The following AMMECR1 variants were observed in gnomAD, a reference collection of about 807,000 sequenced individuals.
AMMECR1 encodes the protein AMMECR nuclear protein 1, also known as nuclear protein AMMECR1.
A neutral mutation model predicts 22.5 loss-of-function variants in AMMECR1; 3 were observed. That is an observed-to-expected ratio of 0.13 (90% CI 0.06 to 0.35). The LOEUF (loss-of-function observed/expected upper bound fraction) is 0.35. Ranked by LOEUF, AMMECR1 falls within the 10% of genes least tolerant of loss-of-function variation. AMMECR1 has a pLI of 1.00. For synonymous variants in AMMECR1, 130 were observed against 116.7 expected (o/e 1.11, Z -0.74); for missense variants, 235 against 278.7 (o/e 0.84, Z 1.12).
intron 1 of AMMECR1, among the ~76,000 whole-genome samples, chrX:110,293,229 G>T (rs961955158): frequency 8.9e-6 from 1 of 111,870 alleles, no homozygotes; most frequent in African/African-American, 3.2e-5. Context: ...GGCGAAAGGA[G>T]TAGGAGGGAA....
chrX:110,410,864 G>A (rs902538829), intron 2 of AMMECR1, among the ~76,000 whole-genome samples: 2 of 112,343 alleles, frequency 1.8e-5, no homozygotes, highest in African/African-American at 6.5e-5. Context: ...ATTCAAGGCA[G>A]CCTCCTTGAA....
intron 2 of AMMECR1, among the ~76,000 whole-genome samples, chrX:110,381,048 T>C (rs2068415065): frequency 8.9e-6 from 1 of 112,265 alleles, no homozygotes; most frequent in Admixed American, 9.4e-5. Flanking sequence ...AATTTATGAC[T>C]GAGTCATCAA....
At chrX:110,327,883 C>T (rs2068104020) in intron 2 of AMMECR1, among the ~76,000 whole-genome samples, 2 of 111,536 alleles carry the variant, frequency 1.8e-5, no homozygotes, top group South Asian at 7.6e-4. Flanking sequence ...TTATTATTCT[C>T]TTCTAGTCTC....
At chrX:110,341,112 A>G (rs779655913) in intron 2 of AMMECR1, among the ~76,000 whole-genome samples, 2 of 112,818 alleles carry the variant, frequency 1.8e-5, no homozygotes, top group Non-Finnish European at 3.7e-5. Flanking sequence ...GTTTTAAGTC[A>G]CTGGCAAGAT....
intron 2 of AMMECR1, among the ~76,000 whole-genome samples, chrX:110,254,414 A>G (rs2067700922): frequency 8.9e-6 from 1 of 111,944 alleles, no homozygotes; most frequent in Admixed American, 9.5e-5. Context: ...CATTATGTAC[A>G]TTAGTTTCAA....
At chrX:110,339,401 T>TAAAAAA (rs10664998) in intron 2 of AMMECR1, among the ~76,000 whole-genome samples, 15 of 48,970 alleles carry the variant, frequency 3.1e-4, no homozygotes, top group East Asian at 1.0e-3. Context: ...TGGTTTGTTG[T>TAAAAAA]AAAAAAAAAA....
At chrX:110,309,911 A>G (rs2068015960) in intron 1 of AMMECR1, among the ~76,000 whole-genome samples, 1 of 112,829 alleles carries the variant, frequency 8.9e-6, no homozygotes, top group South Asian at 3.6e-4. Context: ...AGGCTGTACT[A>G]TGATATACAC....
chrX:110,386,451 T>A (rs1485054531), intron 2 of AMMECR1, among the ~76,000 whole-genome samples: 2 of 111,343 alleles, frequency 1.8e-5, no homozygotes, highest in African/African-American at 6.5e-5. Context: ...AGGTTGAGTA[T>A]CTTTTCATGT....
chrX:110,287,984 TGAA>T (rs1282791700), intron 1 of AMMECR1, among the ~76,000 whole-genome samples: 1 of 111,460 alleles, frequency 9.0e-6, no homozygotes, highest in Non-Finnish European at 1.9e-5. Context: ...CTCTAATAAG[TGAA>T]GGAGAGAAAT....
At chrX:110,230,245 T>G (rs935371914) in intron 2 of AMMECR1, among the ~76,000 whole-genome samples, 1 of 112,385 alleles carries the variant, frequency 8.9e-6, no homozygotes, top group Non-Finnish European at 1.9e-5. Flanking sequence ...GGGAGACACC[T>G]CCCAGTAGGG....
intron 3 of AMMECR1, 74 bp downstream of exon 3, chrX:110,216,444 T>C: frequency 1.3e-6 from 1 of 747,630 alleles, no homozygotes; most frequent in Non-Finnish European, 2.0e-6. Flanking sequence ...AAAGAGTTAT[T>C]TTCTGGGCCT....
At chrX:110,285,732 T>C (rs1041910518) in intron 1 of AMMECR1, among the ~76,000 whole-genome samples, 12 of 111,886 alleles carry the variant, frequency 1.1e-4, no homozygotes, top group African/African-American at 3.6e-4. Context: ...TACATGGTAG[T>C]AGTAGTAGTA....
intron 2 of AMMECR1, among the ~76,000 whole-genome samples, chrX:110,409,387 T>C (rs1202717719): frequency 9.0e-6 from 1 of 110,873 alleles, no homozygotes; most frequent in Non-Finnish European, 1.9e-5. Flanking sequence ...GTGAAGAGAG[T>C]TGTGTTTACA....
At chrX:110,405,626 G>A (rs1216479817) in intron 2 of AMMECR1, among the ~76,000 whole-genome samples, 1 of 111,675 alleles carries the variant, frequency 9.0e-6, no homozygotes, top group Non-Finnish European at 1.9e-5. Flanking sequence ...CTTTTTAAGG[G>A]AACATTAACT....
chrX:110,322,111 C>T (rs2068081175), upstream of AMMECR1, among the ~76,000 whole-genome samples: 1 of 112,432 alleles, frequency 8.9e-6, no homozygotes, highest in South Asian at 3.7e-4. Flanking sequence ...CTAGTTGTTT[C>T]ATTTACATCT....
chrX:110,358,219 C>T (rs1269223437), intron 2 of AMMECR1, among the ~76,000 whole-genome samples: 1 of 111,295 alleles, frequency 9.0e-6, no homozygotes, highest in Non-Finnish European at 1.9e-5. Context: ...TGGGCATAAA[C>T]CTCAAAGGGA....
chrX:110,338,326 A>G (rs2068148759), intron 2 of AMMECR1, among the ~76,000 whole-genome samples: 1 of 112,498 alleles, frequency 8.9e-6, no homozygotes, highest in South Asian at 3.7e-4. Context: ...ATCTTTAAAC[A>G]CAGAAGTACC....
At position 110,344,788 on chromosome X, in the gene AMMECR1, C is replaced by G. The variant is rs1483339893; in HGVS notation, c.-147-26939G>C. 2.7e-5 allele frequency among the ~76,000 whole-genome samples: 3 copies of G among 111,384 alleles called. No homozygotes were observed. The Admixed American group carries it at 2.8e-4, about 11-fold the overall frequency. On this transcript the variant is annotated intron_variant, in intron 2 of 7. Coordinates refer to the AMMECR1 transcript ENST00000372057. ...ATCAGAGAAATGCAAATCAAAACCACAATGAGATACCATCTCACACCAGTT... is the reference window on the plus strand; with the variant it reads ...ATCAGAGAAATGCAAATCAAAACCAGAATGAGATACCATCTCACACCAGTT...
chrX:110,395,591 C>T (rs1043068258), intron 2 of AMMECR1, among the ~76,000 whole-genome samples: 1 of 112,287 alleles, frequency 8.9e-6, no homozygotes, highest in Admixed American at 9.4e-5. Flanking sequence ...GTGGTAAAGC[C>T]GGGACTGAAA....
Sources: gnomAD v4.1 joint callset for allele counts (sites outside exome capture counted in the v4.1 genomes callset) on GRCh38, gnomAD v4.1.1 for gene constraint, MANE v1.5 for transcripts, NCBI Gene and HGNC (gene_info 2026-07-23, HGNC 2026-07-21) for gene names.